The following PDE8B variants were observed in gnomAD, a reference collection of about 807,000 sequenced individuals.
PDE8B encodes the protein high affinity cAMP-specific and IBMX-insensitive 3',5'-cyclic phosphodiesterase 8B.
A neutral mutation model predicts 101.3 loss-of-function variants in PDE8B; 26 were observed. That is an observed-to-expected ratio of 0.26 (90% CI 0.19 to 0.36). The LOEUF (loss-of-function observed/expected upper bound fraction) is 0.36. Among genes scored for constraint, PDE8B ranks in the 10% least tolerant of loss-of-function variants. The pLI is 1.00. For synonymous variants in PDE8B, 424 were observed against 429.3 expected (o/e 0.99, Z 0.15); for missense variants, 810 against 1,163.1 (o/e 0.70, Z 4.42).
intron 1 of PDE8B, among the ~76,000 whole-genome samples, chr5:77,290,024 T>A (rs1380179277): frequency 6.6e-6 from 1 of 152,200 alleles, no homozygotes; most frequent in Non-Finnish European, 1.5e-5. Context: ...TGAGAGATTA[T>A]CATCATAATA....
At chr5:77,234,993 T>A (rs996618043) in intron 1 of PDE8B, among the ~76,000 whole-genome samples, 2 of 152,186 alleles carry the variant, frequency 1.3e-5, no homozygotes, top group African/African-American at 2.4e-5. Context: ...AAGACCACTC[T>A]TCCAGTGGTC....
intron 10 of PDE8B, among the ~76,000 whole-genome samples, chr5:77,392,993 AT>A (rs1790258399): frequency 6.6e-6 from 1 of 152,240 alleles, no homozygotes. Flanking sequence ...AAAAAAGCCT[AT>A]TAGCCAACTA....
the PDE8B span, among the ~76,000 whole-genome samples, chr5:77,188,394 G>C: frequency 6.6e-6 from 1 of 152,196 alleles, no homozygotes; most frequent in Non-Finnish European, 1.5e-5. Context: ...GAAACACCCA[G>C]TTTTATTCCA....
chr5:77,192,964 C>T, the PDE8B span, among the ~76,000 whole-genome samples: 1 of 152,026 alleles, frequency 6.6e-6, no homozygotes, highest in Non-Finnish European at 1.5e-5. Context: ...TGATTACTGA[C>T]CATTTTTATT....
chr5:77,342,387 G>A (rs951294842), intron 6 of PDE8B, among the ~76,000 whole-genome samples: 7 of 152,076 alleles, frequency 4.6e-5, no homozygotes, highest in African/African-American at 1.7e-4. Context: ...GCCTCAGGTC[G>A]CATAACTGGA....
the PDE8B span, among the ~76,000 whole-genome samples, chr5:77,121,059 A>G: frequency 6.6e-6 from 1 of 152,342 alleles, no homozygotes; most frequent in Admixed American, 6.5e-5. Flanking sequence ...TTGCTGCTTA[A>G]CAGATTACCC....
chr5:77,188,342 A>G, the PDE8B span, among the ~76,000 whole-genome samples: 2 of 152,228 alleles, frequency 1.3e-5, no homozygotes, highest in Admixed American at 1.3e-4. Context: ...TTCCTGTTTA[A>G]AGTGCATCGT....
chr5:77,413,774 C>T (rs758175759), intron 17 of PDE8B, among the ~76,000 whole-genome samples: 1 of 152,102 alleles, frequency 6.6e-6, no homozygotes, highest in Non-Finnish European at 1.5e-5. Context: ...TAGGTATGAA[C>T]GTGCCTATCT....
chr5:77,263,670 T>C (rs1412371306), intron 1 of PDE8B, among the ~76,000 whole-genome samples: 2 of 152,220 alleles, frequency 1.3e-5, no homozygotes, highest in East Asian at 3.8e-4. Context: ...CAAGACCCCT[T>C]GCCCAACTGA....
chr5:77,408,415 G>A (rs1793921311), intron 13 of PDE8B, among the ~76,000 whole-genome samples: 1 of 152,144 alleles, frequency 6.6e-6, no homozygotes, highest in South Asian at 2.1e-4. Flanking sequence ...TATGGAGAGA[G>A]GGGAACAAGA....
intron 1 of PDE8B, among the ~76,000 whole-genome samples, chr5:77,256,900 G>A (rs1285699280): frequency 3.3e-5 from 5 of 151,958 alleles, no homozygotes; most frequent in Non-Finnish European, 7.4e-5. Flanking sequence ...TGATTATTTT[G>A]TTTAACTGGT....
At chr5:77,359,018 T>TC (rs1054626967) in intron 10 of PDE8B, among the ~76,000 whole-genome samples, 1 of 152,162 alleles carries the variant, frequency 6.6e-6, no homozygotes, top group African/African-American at 2.4e-5. Context: ...CATTTTTTTT[T>TC]CCTGAGAAAC....
At chr5:77,333,417 A>G (rs1364843673) in intron 5 of PDE8B, among the ~76,000 whole-genome samples, 1 of 152,190 alleles carries the variant, frequency 6.6e-6, no homozygotes, top group Non-Finnish European at 1.5e-5. Context: ...TCTGTGTAAT[A>G]TTGACCCCCC....
At chr5:77,393,143 C>G (rs760690804) in intron 10 of PDE8B, among the ~76,000 whole-genome samples, 23 of 152,170 alleles carry the variant, frequency 1.5e-4, no homozygotes, top group Non-Finnish European at 2.8e-4. Flanking sequence ...CCTGTAATCC[C>G]AGCACTTTGG....
At chr5:77,375,792 T>C (rs187680506) in intron 10 of PDE8B, among the ~76,000 whole-genome samples, 249 of 152,070 alleles carry the variant, frequency 1.6e-3, no homozygotes, top group African/African-American at 5.8e-3. Flanking sequence ...ATGAGATACA[T>C]ATACTTTAAA....
At chr5:77,158,725 G>A in the PDE8B span, among the ~76,000 whole-genome samples, 87 of 152,264 alleles carry the variant, frequency 5.7e-4, 1 homozygote, top group African/African-American at 2.0e-3. Flanking sequence ...CAGGACTCCA[G>A]GTTTTCCTCT....
the PDE8B span, among the ~76,000 whole-genome samples, chr5:77,189,934 G>T: frequency 6.6e-6 from 1 of 152,212 alleles, no homozygotes. Flanking sequence ...AAAATGGTCA[G>T]ATTCTGAATC....
chr5:77,345,207 C>T (rs753868309), intron 7 of PDE8B, among the ~76,000 whole-genome samples: 9 of 152,200 alleles, frequency 5.9e-5, no homozygotes, highest in African/African-American at 9.6e-5. Context: ...GTCACTCTGT[C>T]GCCCAGGCTG....
At chr5:77,357,564 C>A (rs11749728) in intron 10 of PDE8B, among the ~76,000 whole-genome samples, 50,935 of 152,024 alleles carry the variant, frequency 0.34, 9,086 homozygotes, top group African/African-American at 0.45. Flanking sequence ...GAGCTTCTCT[C>A]CAAACCCAGC....
Sources: allele counts gnomAD v4.1 joint callset (sites outside exome capture counted in the v4.1 genomes callset), GRCh38; gene constraint gnomAD v4.1.1; transcripts MANE v1.5; gene names NCBI Gene and HGNC (gene_info 2026-07-23, HGNC 2026-07-21).